PPM1A: variants seen among roughly 807,000 people sequenced by gnomAD.
PPM1A encodes protein phosphatase, Mg2+/Mn2+ dependent 1A, also known as protein phosphatase 1A.
In PPM1A, 7 loss-of-function variants were observed where a neutral mutation model predicts 35.0. The observed-to-expected ratio is 0.20, with a 90% CI of 0.11 to 0.38. The LOEUF (loss-of-function observed/expected upper bound fraction) is 0.38. Among genes scored for constraint, PPM1A ranks in the 10% least tolerant of loss-of-function variants. PPM1A has a pLI of 1.00. For missense variants in PPM1A, 239 were observed against 467.8 expected, an observed-to-expected ratio of 0.51 and a Z score of 4.51; for synonymous variants, 153 against 167.3, an observed-to-expected ratio of 0.91 and a Z score of 0.66.
upstream of PPM1A, among the ~76,000 whole-genome samples, chr14:60,246,392 C>A (rs115273805): frequency 2.2e-3 from 341 of 152,312 alleles, 1 homozygote; most frequent in African/African-American, 8.0e-3. Flanking sequence ...TCAACACACA[C>A]TAAATTCAGG....
At chr14:60,253,458 TA>T (rs1566567778) in intron 1 of PPM1A, among the ~76,000 whole-genome samples, 2 of 152,102 alleles carry the variant, frequency 1.3e-5, no homozygotes, top group Non-Finnish European at 2.9e-5. Flanking sequence ...TGGGTAGATA[TA>T]AAAGTATTTT....
chr14:60,249,480 G>C lies in PPM1A; in HGVS notation c.-218G>C. On this transcript the variant is annotated 5_prime_UTR_variant, in exon 1 of 6. Transcript: ENST00000395076. This position sits in a 1 kb window ranked among gnomAD's most constrained non-coding sequence, Gnocchi z 4.5. ...CCAACGCCCGGATGATCTGAGCCGC[G>C]AGGGCGCCGACAGCCGGGGGCCCGG... 2 of 985,450 alleles carry C rather than the reference G, an allele frequency of 2.0e-6. No homozygotes were observed. The highest frequency in any genetic ancestry group is 2.4e-6 in the Non-Finnish European group (2 of 830,278). 61.0% of individuals were successfully genotyped at this position (985,450 alleles called of 1,614,324 possible).
At chr14:60,285,551 C>T in intron 2 of PPM1A, 73 bp from the exon 3 acceptor site, 2 of 1,444,512 alleles carry the variant, frequency 1.4e-6, no homozygotes, top group Non-Finnish European at 1.9e-6. Context: ...GTAATTGGCA[C>T]AGCTGTAAAG....
At chr14:60,276,429 C>A (rs1885767306) in intron 1 of PPM1A, among the ~76,000 whole-genome samples, 1 of 152,084 alleles carries the variant, frequency 6.6e-6, no homozygotes, top group Admixed American at 6.6e-5. Context: ...TAAAACCAAA[C>A]CTATTATCTC....
chr14:60,287,232 TAC>T (rs1887112542), intron 3 of PPM1A: 1 of 956,554 alleles, frequency 1.0e-6, no homozygotes, highest in African/African-American at 1.8e-5. Flanking sequence ...ATATTCACTT[TAC>T]GTTATTTTGT....
In PPM1A at chr14:60,285,475, C is replaced by CGCAT. The variant is rs1566602482; in HGVS notation, c.835-146_835-143dup. On this transcript the variant is annotated intron_variant, in intron 2 of 5. Coordinates refer to ENST00000395076, the MANE Select transcript of PPM1A (RefSeq NM_021003.5). Reference sequence around the variant, plus strand: ...GGGAGTCATTGCACACACACACGCACGCATGCGTGCACATATGTATTTTTT... The same window carrying CGCAT: ...GGGAGTCATTGCACACACACACGCACGCATGCATGCGTGCACATATGTATTTTTT... 7.1e-6 allele frequency: 4 copies of CGCAT among 566,786 alleles called. No homozygotes were observed. In the African/African-American group the frequency reaches 1.7e-4, roughly 24 times the overall value. 35.1% of individuals were successfully genotyped at this position (566,786 alleles called of 1,614,324 possible). A position where few individuals can be genotyped will look rare whatever the true frequency, so the allele number is the denominator to read the frequency against.
chr14:60,277,122 C>CT (rs1475141361), intron 1 of PPM1A: 1 of 963,638 alleles, frequency 1.0e-6, no homozygotes, highest in Non-Finnish European at 1.3e-6. Context: ...CAGAAACTAA[C>CT]TAAAAACTTT....
intron 1 of PPM1A, among the ~76,000 whole-genome samples, chr14:60,252,094 A>G (rs975958012): frequency 1.3e-5 from 2 of 152,178 alleles, no homozygotes; most frequent in Admixed American, 6.5e-5. Flanking sequence ...CTAAATACCT[A>G]TAGTCTTTTA....
intron 1 of PPM1A, among the ~76,000 whole-genome samples, chr14:60,259,415 TTTTG>T (rs1428586238): frequency 6.6e-6 from 1 of 152,096 alleles, no homozygotes; most frequent in Non-Finnish European, 1.5e-5. Flanking sequence ...ATGTGAGGTG[TTTTG>T]TTTATTAGTT....
chr14:60,290,522 A>G (rs1301333227), intron 4 of PPM1A, among the ~76,000 whole-genome samples: 1 of 152,214 alleles, frequency 6.6e-6, no homozygotes, highest in African/African-American at 2.4e-5. Flanking sequence ...AAGCAATTCC[A>G]AGGGTTAAAA....
rs1236094669 is a variant in PPM1A, at chr14:60,294,233, A to G, written c.*1751A>G. The G allele has an allele frequency of 6.6e-6, 1 of 151,874 alleles. No homozygotes were observed. Among genetic ancestry groups the G allele is most frequent in the Non-Finnish European group, 1.5e-5 (1 of 67,842 alleles). 9.4% of individuals were successfully genotyped at this position (151,874 alleles called of 1,614,324 possible). On this transcript the variant is annotated 3_prime_UTR_variant, in exon 6 of 6. Coordinates refer to ENST00000395076, the MANE Select transcript of PPM1A (RefSeq NM_021003.5). ...AGATTTAAGTAGTTAAATACCAGCAAAATCTTTTCATTATCCCTCTTATTT... is the reference window on the plus strand; with the variant it reads ...AGATTTAAGTAGTTAAATACCAGCAGAATCTTTTCATTATCCCTCTTATTT...
chr14:60,258,843 T>C (rs1224130447), intron 1 of PPM1A, among the ~76,000 whole-genome samples: 1 of 152,090 alleles, frequency 6.6e-6, no homozygotes, highest in Non-Finnish European at 1.5e-5. Flanking sequence ...AAAAAAGACA[T>C]AATCTCTTTC....
chr14:60,259,735 T>G (rs1883530174), intron 1 of PPM1A, among the ~76,000 whole-genome samples: 2 of 152,116 alleles, frequency 1.3e-5, no homozygotes, highest in African/African-American at 2.4e-5. Context: ...ATGCCATGTC[T>G]TTTTAGTATT....
chr14:60,268,038 A>G (rs1217994204), intron 1 of PPM1A, among the ~76,000 whole-genome samples: 5 of 152,096 alleles, frequency 3.3e-5, no homozygotes, highest in Non-Finnish European at 7.4e-5. Flanking sequence ...ATACAATACT[A>G]TTATCTAATA....
intron 2 of PPM1A, among the ~76,000 whole-genome samples, chr14:60,285,380 C>G (rs73317850): frequency 6.6e-6 from 1 of 152,104 alleles, no homozygotes; most frequent in Non-Finnish European, 1.5e-5. Flanking sequence ...TGAGATTAAC[C>G]TGTAATGTTT....
chr14:60,267,000 T>G (rs1017654222), intron 1 of PPM1A, among the ~76,000 whole-genome samples: 5 of 152,160 alleles, frequency 3.3e-5, no homozygotes, highest in Non-Finnish European at 7.4e-5. Context: ...TATTTCTGTT[T>G]TAACTTTCTA....
chr14:60,281,534 C>G (rs1406754576), intron 1 of PPM1A, among the ~76,000 whole-genome samples: 2 of 152,186 alleles, frequency 1.3e-5, no homozygotes, highest in Non-Finnish European at 2.9e-5. Flanking sequence ...CTTTTCTCCA[C>G]CATTATTCCC....
intron 1 of PPM1A, among the ~76,000 whole-genome samples, chr14:60,276,432 A>G (rs991179380): frequency 2.6e-5 from 4 of 151,894 alleles, no homozygotes; most frequent in Non-Finnish European, 5.9e-5. Context: ...AACCAAACCT[A>G]TTATCTCAGT....
Position 60,291,388 on chromosome 14 carries a change from TACAC to T in PPM1A, c.1062-8_1062-5del. ...GAAGAATTAATTTTCTGCATTTTTT[TACAC>T]TTAGGAGGAATGTTATTGAAGCCGT... is the stretch of plus-strand genomic sequence containing the variant. On this transcript the variant is annotated splice_region_variant and splice_polypyrimidine_tract_variant and intron_variant, in intron 4 of 5. Transcript: ENST00000395076. 1 of 1,534,796 alleles carries T rather than the reference TACAC, an allele frequency of 6.5e-7. No homozygotes were observed. The highest frequency in any genetic ancestry group is 8.8e-7 in the Non-Finnish European group (1 of 1,133,426).
Sources: allele counts gnomAD v4.1 joint callset (sites outside exome capture counted in the v4.1 genomes callset), GRCh38; gene constraint gnomAD v4.1.1; non-coding constraint Gnocchi (gnomAD v3.1); transcripts MANE v1.5; gene names NCBI Gene and HGNC (gene_info 2026-07-23, HGNC 2026-07-21).